Variants in RANBP3L observed in about 807,000 individuals in gnomAD.
RANBP3L encodes RAN binding protein 3 like.
Under a neutral mutation model 67.2 loss-of-function variants are expected in RANBP3L, and 56 were observed. The observed-to-expected ratio is 0.83, with a 90% CI of 0.67 to 1.04. The LOEUF (loss-of-function observed/expected upper bound fraction) is 1.04, where lower values mean the gene tolerates loss of function less well. Among genes scored for constraint, RANBP3L ranks in the 50% least tolerant of loss-of-function variants. RANBP3L has a pLI of 0.00. For synonymous variants in RANBP3L, 164 were observed against 181.4 expected (o/e 0.90, Z 0.77); for missense variants, 496 against 535.5 (o/e 0.93, Z 0.73).
Position 36,249,218 on chromosome 5 carries a change from A to G in RANBP3L, c.*436T>C, listed in dbSNP as rs1231277532. ...GGATTTAGTGAAATGTTATCATGCC[A>G]TTATACTATTTTTCAGAGAAATGAC... is the stretch of plus-strand genomic sequence containing the variant. On this transcript the variant is annotated 3_prime_UTR_variant, in exon 14 of 14. Transcript: ENST00000296604. 1 of 152,254 alleles carries G rather than the reference A, an allele frequency of 6.6e-6. No homozygotes were observed. Among genetic ancestry groups the G allele is most frequent in the African/African-American group, 2.4e-5 (1 of 41,464 alleles). 9.4% of individuals were successfully genotyped at this position (152,254 alleles called of 1,614,324 possible).
intron 1 of RANBP3L, among the ~76,000 whole-genome samples, chr5:36,280,446 T>C (rs533533139): frequency 7.0e-4 from 107 of 152,310 alleles, no homozygotes; most frequent in South Asian, 2.3e-3. Flanking sequence ...AATAATTCAA[T>C]TGAAGAAAAA....
rs147080626 is a variant in RANBP3L, at chr5:36,247,498, A to G, written c.*2156T>C. ...TATGCGGAGAAATCTAAAGAAAATC[A>G]TAGAATGAATTCAACTTAAAATGTT... is the stretch of plus-strand genomic sequence containing the variant. On this transcript the variant is annotated 3_prime_UTR_variant, in exon 14 of 14. Coordinates refer to ENST00000296604, the MANE Select transcript of RANBP3L (RefSeq NM_145000.5). Among the ~76,000 whole-genome samples, 1,169 of 152,372 alleles carry G rather than the reference A, an allele frequency of 7.7e-3. 5 individuals carry two copies. Among genetic ancestry groups the G allele is most frequent in the South Asian group, 0.011 (53 of 4,834 alleles).
intron 1 of RANBP3L, among the ~76,000 whole-genome samples, chr5:36,276,420 G>A (rs1750569808): frequency 6.6e-6 from 1 of 152,036 alleles, no homozygotes; most frequent in South Asian, 2.1e-4. Flanking sequence ...TGTTAAAATT[G>A]TCCTAGACTA....
chr5:36,296,002 C>T (rs986456750), intron 1 of RANBP3L, among the ~76,000 whole-genome samples: 2 of 152,166 alleles, frequency 1.3e-5, no homozygotes, highest in African/African-American at 2.4e-5. Context: ...CATTAAAAAC[C>T]CTGGACACCA....
chr5:36,266,261 A>C (rs1192025562), intron 4 of RANBP3L, among the ~76,000 whole-genome samples: 1 of 152,192 alleles, frequency 6.6e-6, no homozygotes, highest in Admixed American at 6.5e-5. Context: ...GAAAGAAGTA[A>C]AGATGACAAA....
chr5:36,294,495 G>C (rs1752045763), intron 1 of RANBP3L, among the ~76,000 whole-genome samples: 1 of 151,838 alleles, frequency 6.6e-6, no homozygotes, highest in Non-Finnish European at 1.5e-5. Context: ...TATGATGTTA[G>C]GGTATCAATT....
intron 4 of RANBP3L, among the ~76,000 whole-genome samples, chr5:36,267,276 A>C (rs1319143115): frequency 6.6e-6 from 1 of 152,170 alleles, no homozygotes. Context: ...TGGGAGGCCG[A>C]GGTGGGCGGA....
intron 1 of RANBP3L, among the ~76,000 whole-genome samples, chr5:36,272,323 A>G (rs1188470180): frequency 6.6e-6 from 1 of 152,236 alleles, no homozygotes; most frequent in African/African-American, 2.4e-5. Context: ...ATTCTGGATG[A>G]GACCAAGTAA....
chr5:36,272,732 C>T (rs1470726839), intron 1 of RANBP3L, among the ~76,000 whole-genome samples: 1 of 152,150 alleles, frequency 6.6e-6, no homozygotes, highest in Non-Finnish European at 1.5e-5. Context: ...ACAACCTCCA[C>T]CTCCCGGATT....
At chr5:36,291,202 C>T (rs953607929) in intron 1 of RANBP3L, among the ~76,000 whole-genome samples, 1 of 152,030 alleles carries the variant, frequency 6.6e-6, no homozygotes, top group South Asian at 2.1e-4. Context: ...TACCATTAAA[C>T]AACATATCCT....
chr5:36,269,545 CAG>C, intron 3 of RANBP3L, 78 bp from the exon 4 acceptor site: 2 of 871,808 alleles, frequency 2.3e-6, no homozygotes, highest in South Asian at 1.5e-5. Context: ...GTAGGATAAA[CAG>C]AATTTTCTTT....
Position 36,251,398 on chromosome 5 carries a change from G to A in RANBP3L, c.1269C>T (p.Ser423=). 6.2e-7 allele frequency: 1 copy of A among 1,613,262 alleles called. No homozygotes were observed. Residue 423 remains serine (S), a synonymous_variant, in exon 13 of 14, where the codon AGC becomes AGT. Coordinates refer to ENST00000296604, the MANE Select transcript of RANBP3L (RefSeq NM_145000.5). The part of the protein sequence containing the change: ...NKQRDVNQAE[S]LSETAQQLNC... ...TCAATTGTTGGGCTGTTTCTGACAG[G>A]CTTTCAGCTTGATTGACATCTCTCT...
chr5:36,249,139 T>A lies in RANBP3L; in HGVS notation c.*515A>T, dbSNP rs1279618718. 2 of 152,084 alleles carry A rather than the reference T, an allele frequency of 1.3e-5. No homozygotes were observed. The highest frequency in any genetic ancestry group is 2.9e-5 in the Non-Finnish European group (2 of 67,932). The allele number at this position is 152,084 out of a possible 1,614,324, so 9.4% of individuals were successfully genotyped here. On this transcript the variant is annotated 3_prime_UTR_variant, in exon 14 of 14. Coordinates refer to ENST00000296604, the MANE Select transcript of RANBP3L (RefSeq NM_145000.5). ...AATTCATACCATGAATATATAAGCT[T>A]ATCATATTAGGAAATCCAAAAGCTA...
At chr5:36,267,147 A>G (rs1280027249) in intron 4 of RANBP3L, among the ~76,000 whole-genome samples, 2 of 152,170 alleles carry the variant, frequency 1.3e-5, no homozygotes, top group East Asian at 3.9e-4. Flanking sequence ...TCTGAAAGTT[A>G]CTTGATATAC....
At chr5:36,266,534 C>T (rs1269651997) in intron 4 of RANBP3L, among the ~76,000 whole-genome samples, 2 of 151,592 alleles carry the variant, frequency 1.3e-5, no homozygotes, top group African/African-American at 4.8e-5. Context: ...TATTGAACAT[C>T]AACAAAAAAA....
At chr5:36,273,331 C>T (rs935802769) in intron 1 of RANBP3L, among the ~76,000 whole-genome samples, 2 of 152,092 alleles carry the variant, frequency 1.3e-5, no homozygotes, top group Non-Finnish European at 2.9e-5. Context: ...TCTTCAATGG[C>T]AACATTAAAG....
Position 36,251,302 on chromosome 5 carries a change from A to G in RANBP3L, c.1354+11T>C, listed in dbSNP as rs1410800432. 2 of 1,600,976 alleles carry G rather than the reference A, an allele frequency of 1.2e-6. No homozygotes were observed. The highest frequency in any genetic ancestry group is 1.7e-6 in the Non-Finnish European group (2 of 1,172,534). Reference sequence around the variant, plus strand: ...TTAAACCTCTGAACTAACAAAACAAAAGCTATTTACCTGATCCATTTTTAG... The same window carrying G: ...TTAAACCTCTGAACTAACAAAACAAGAGCTATTTACCTGATCCATTTTTAG... On this transcript the variant is annotated intron_variant, in intron 13 of 13. Coordinates refer to ENST00000296604, the MANE Select transcript of RANBP3L (RefSeq NM_145000.5).
At chr5:36,266,937 A>G (rs1054751129) in intron 4 of RANBP3L, among the ~76,000 whole-genome samples, 1 of 152,072 alleles carries the variant, frequency 6.6e-6, no homozygotes, top group Non-Finnish European at 1.5e-5. Context: ...TTGTATTTTT[A>G]GCAGAGACCA....
intron 1 of RANBP3L, among the ~76,000 whole-genome samples, chr5:36,298,751 T>A (rs1752410285): frequency 6.6e-6 from 1 of 152,206 alleles, no homozygotes; most frequent in African/African-American, 2.4e-5. Flanking sequence ...TGTGGGCAGA[T>A]ATTTTGAGAC....
Sources: gnomAD v4.1 joint callset for allele counts (sites outside exome capture counted in the v4.1 genomes callset) on GRCh38, gnomAD v4.1.1 for gene constraint, MANE v1.5 for transcripts, NCBI Gene and HGNC (gene_info 2026-07-23, HGNC 2026-07-21) for gene names.